Variants in TMEM132C observed in about 807,000 individuals in gnomAD.
TMEM132C encodes transmembrane protein 132C, also known as protein phosphatase 1, regulatory subunit 152.
A neutral mutation model predicts 61.4 loss-of-function variants in TMEM132C; 29 were observed. The ratio of observed to expected loss-of-function variants is 0.47; its 90% confidence interval spans 0.35 to 0.64. The LOEUF is 0.64. Ranked by LOEUF, TMEM132C falls within the 30% of genes least tolerant of loss-of-function variation. The pLI, the probability that TMEM132C is intolerant of heterozygous loss-of-function variation, is 0.00. For missense variants in TMEM132C, 1,408 were observed against 1,476.9 expected, an observed-to-expected ratio of 0.95 and a Z score of 0.76; for synonymous variants, 656 against 633.1, an observed-to-expected ratio of 1.04 and a Z score of -0.54.
At chr12:128,600,076 G>C (rs1267427167) in intron 3 of TMEM132C, among the ~76,000 whole-genome samples, 1 of 152,130 alleles carries the variant, frequency 6.6e-6, no homozygotes, top group African/African-American at 2.4e-5. Context: ...TCCGCCTCCC[G>C]GGTTCACGCC....
chr12:128,363,863 A>AT (rs1317781825), intron 1 of TMEM132C, among the ~76,000 whole-genome samples: 3 of 149,972 alleles, frequency 2.0e-5, no homozygotes, highest in African/African-American at 7.5e-5. Flanking sequence ...AAAAAAAAAA[A>AT]GAAGATGGGG....
chr12:128,641,961 ATTTT>A (rs34283461), intron 4 of TMEM132C, among the ~76,000 whole-genome samples: 1 of 128,742 alleles, frequency 7.8e-6, no homozygotes, highest in Non-Finnish European at 1.6e-5. Context: ...TGCCCGGCTA[ATTTT>A]TTTTTTTTTT....
chr12:128,447,407 G>A (rs1870019196), intron 2 of TMEM132C, among the ~76,000 whole-genome samples: 1 of 152,186 alleles, frequency 6.6e-6, no homozygotes, highest in Non-Finnish European at 1.5e-5. Flanking sequence ...GGAAATGGAT[G>A]CTGAGGTTCT....
intron 4 of TMEM132C, among the ~76,000 whole-genome samples, chr12:128,660,685 C>T (rs1278871080): frequency 1.3e-5 from 2 of 152,208 alleles, no homozygotes; most frequent in Non-Finnish European, 2.9e-5. Flanking sequence ...CCCATTTGCC[C>T]ATGTGCCCAC....
At chr12:128,701,290 C>G (rs1018593208) in intron 8 of TMEM132C, among the ~76,000 whole-genome samples, 4 of 150,840 alleles carry the variant, frequency 2.7e-5, no homozygotes, top group African/African-American at 4.9e-5. Flanking sequence ...GTTGAGCTAG[C>G]AGGAGCTGAA....
chr12:128,626,760 A>G (rs1403640847), intron 4 of TMEM132C, among the ~76,000 whole-genome samples: 2 of 152,098 alleles, frequency 1.3e-5, no homozygotes, highest in Non-Finnish European at 2.9e-5. Flanking sequence ...CTGCATTTCA[A>G]TACAATTGAT....
chr12:128,447,705 CT>C (rs767506039), intron 2 of TMEM132C, among the ~76,000 whole-genome samples: 158 of 58,612 alleles, frequency 2.7e-3, no homozygotes, highest in African/African-American at 7.7e-3. Context: ...ATTTCAAGTG[CT>C]TTTTTTTTTT....
intron 3 of TMEM132C, among the ~76,000 whole-genome samples, chr12:128,599,966 G>T (rs1353936127): frequency 6.6e-6 from 1 of 151,932 alleles, no homozygotes; most frequent in Non-Finnish European, 1.5e-5. Context: ...AGACCTGATG[G>T]TTTTTTGTTT....
intron 1 of TMEM132C, among the ~76,000 whole-genome samples, chr12:128,347,563 G>C (rs1873207663): frequency 6.6e-6 from 1 of 152,052 alleles, no homozygotes; most frequent in African/African-American, 2.4e-5. Context: ...CAAGTAGCTG[G>C]GATAACAGGC....
chr12:128,416,884 T>C (rs1449838343), intron 2 of TMEM132C, among the ~76,000 whole-genome samples: 1 of 152,210 alleles, frequency 6.6e-6, no homozygotes, highest in Non-Finnish European at 1.5e-5. Flanking sequence ...AGCGACGTCA[T>C]GAACTCTTAC....
intron 1 of TMEM132C, among the ~76,000 whole-genome samples, chr12:128,351,134 C>G (rs1488631286): frequency 1.3e-5 from 2 of 152,148 alleles, no homozygotes; most frequent in African/African-American, 2.4e-5. Flanking sequence ...TGACCCTAAG[C>G]CGTTTTCATA....
chr12:128,487,600 T>TGG (rs1565950740), intron 2 of TMEM132C, among the ~76,000 whole-genome samples: 1 of 85,992 alleles, frequency 1.2e-5, no homozygotes, highest in Admixed American at 1.4e-4. Context: ...TGTGTGTGTG[T>TGG]GGGTATATAT....
intron 2 of TMEM132C, among the ~76,000 whole-genome samples, chr12:128,511,721 C>T (rs1872572093): frequency 6.6e-6 from 1 of 152,230 alleles, no homozygotes; most frequent in African/African-American, 2.4e-5. Context: ...CACAGCTGAC[C>T]TCTGTCCCCA....
At chr12:128,638,908 GTGA>G (rs1315662072) in intron 4 of TMEM132C, among the ~76,000 whole-genome samples, 2 of 132,218 alleles carry the variant, frequency 1.5e-5, no homozygotes, top group East Asian at 2.2e-4. Context: ...GGTGGTGATG[GTGA>G]TGATGGTGGT....
intron 4 of TMEM132C, among the ~76,000 whole-genome samples, chr12:128,658,779 C>T (rs575986783): frequency 6.6e-6 from 1 of 152,316 alleles, no homozygotes; most frequent in East Asian, 1.9e-4. Flanking sequence ...TCTGGTTTAG[C>T]GCAAGATTCC....
intron 1 of TMEM132C, among the ~76,000 whole-genome samples, chr12:128,317,531 C>A (rs1215217659): frequency 6.6e-6 from 1 of 152,178 alleles, no homozygotes; most frequent in African/African-American, 2.4e-5. Flanking sequence ...TTTCTGTTTC[C>A]TTTTACATAA....
At chr12:128,349,701 C>T (rs1873278530) in intron 1 of TMEM132C, among the ~76,000 whole-genome samples, 1 of 152,152 alleles carries the variant, frequency 6.6e-6, no homozygotes, top group Non-Finnish European at 1.5e-5. Flanking sequence ...GATTCTTGCC[C>T]TTATGAAGCT....
chr12:128,482,105 G>T, intron 2 of TMEM132C, among the ~76,000 whole-genome samples: 1 of 152,144 alleles, frequency 6.6e-6, no homozygotes, highest in East Asian at 1.9e-4. Flanking sequence ...TAGCATGAAG[G>T]GGTGTTGAAT....
intron 2 of TMEM132C, among the ~76,000 whole-genome samples, chr12:128,540,371 A>C (rs1392211804): frequency 6.6e-6 from 1 of 152,156 alleles, no homozygotes; most frequent in African/African-American, 2.4e-5. Flanking sequence ...CTCCTGCCTC[A>C]GCCTCCCGAG....
Sources: gnomAD v4.1 joint callset for allele counts (sites outside exome capture counted in the v4.1 genomes callset) on GRCh38, gnomAD v4.1.1 for gene constraint, MANE v1.5 for transcripts, NCBI Gene and HGNC (gene_info 2026-07-23, HGNC 2026-07-21) for gene names.